CLTC: variants seen among roughly 807,000 people sequenced by gnomAD.
CLTC encodes clathrin heavy chain.
CLTC carries 16 observed loss-of-function variants against 195.8 expected under a neutral mutation model. The observed-to-expected ratio is 0.08, with a 90% CI of 0.06 to 0.12. The LOEUF is 0.12. Ranked by LOEUF, CLTC falls within the 10% of genes least tolerant of loss-of-function variation. The pLI, the probability that CLTC is intolerant of heterozygous loss-of-function variation, is 1.00. For synonymous variants in CLTC, 667 were observed against 689.4 expected, an observed-to-expected ratio of 0.97 and a Z score of 0.51; for missense variants, 796 against 2,027.0, an observed-to-expected ratio of 0.39 and a Z score of 11.66.
At chr17:59,673,026 T>C (rs185415773) in intron 14 of CLTC, among the ~76,000 whole-genome samples, 4 of 152,114 alleles carry the variant, frequency 2.6e-5, no homozygotes, top group Admixed American at 6.6e-5. Context: ...ATAAGTAGGA[T>C]TGTAGTTTGG....
intron 5 of CLTC, among the ~76,000 whole-genome samples, chr17:59,652,312 G>A (rs1192958728): frequency 6.6e-6 from 1 of 152,132 alleles, no homozygotes; most frequent in Non-Finnish European, 1.5e-5. Flanking sequence ...CATCTAGAAT[G>A]ATGAATCCTT....
At chr17:59,691,379 C>CT (rs372057936) in intron 31 of CLTC, among the ~76,000 whole-genome samples, 17 of 152,150 alleles carry the variant, frequency 1.1e-4, no homozygotes, top group African/African-American at 4.1e-4. Flanking sequence ...AATCCCAGCA[C>CT]TTTGGAAGGC....
rs1191846250 is a variant in CLTC, at chr17:59,683,512, G to A, written c.4167G>A (p.Gly1389=). The change falls in exon 26 of 32, where the codon GGG becomes GGA. Residue 1389 remains glycine (G), a synonymous_variant. Coordinates refer to ENST00000269122, the MANE Select transcript of CLTC (RefSeq NM_004859.4). The surrounding 1 kb of genome is among the most constrained non-coding windows in gnomAD (Gnocchi z 6.1). ...MNHPTDAWKE[G]QFKDIITKVA... ...ATCCAACTGATGCCTGGAAAGAAGG[G>A]CAATTCAAAGATATCATTACCAAGG... 1.2e-6 allele frequency: 2 copies of A among 1,613,858 alleles called. No individual in the cohort carries two copies. Among genetic ancestry groups the A allele is most frequent in the South Asian group, 2.2e-5 (2 of 91,056 alleles).
Position 59,648,197 on chromosome 17 carries a change from G to T in CLTC, c.520-43G>T. 1.9e-6 allele frequency: 3 copies of T among 1,544,496 alleles called. No homozygotes were observed. The highest frequency in any genetic ancestry group is 2.4e-5 in the South Asian group (2 of 82,456). On this transcript the variant is annotated intron_variant, in intron 3 of 31. Coordinates refer to ENST00000269122, the MANE Select transcript of CLTC (RefSeq NM_004859.4). The surrounding 1 kb of genome is among the most constrained non-coding windows in gnomAD (Gnocchi z 4.5). ...TTACTTGATGAATCTGAGAGTTTTT[G>T]ATTTATGGGTCTTCAAACGTTATTC...
chr17:59,625,142 ACT>A (rs1169936606), intron 1 of CLTC, among the ~76,000 whole-genome samples: 7 of 150,794 alleles, frequency 4.6e-5, no homozygotes, highest in Admixed American at 1.3e-4. Flanking sequence ...ACAAAGTCTC[ACT>A]CTGTCGCCAG....
chr17:59,639,504 C>T (rs2031967817), intron 1 of CLTC, among the ~76,000 whole-genome samples: 1 of 152,118 alleles, frequency 6.6e-6, no homozygotes, highest in Non-Finnish European at 1.5e-5. Flanking sequence ...CCAGCTTCAA[C>T]ACTAATGGCA....
rs758477843 is a variant in CLTC, at chr17:59,682,583, C to G, written c.3601-46C>G. On this transcript the variant is annotated intron_variant, in intron 22 of 31. Transcript: ENST00000269122. This position sits in a 1 kb window ranked among gnomAD's most constrained non-coding sequence, Gnocchi z 6.8. ...ATATCAATTTGAAAAGAGGATTAAG[C>G]TCACACTAATATCTTGCTGAATGTG... 4.4e-6 allele frequency: 7 copies of G among 1,602,096 alleles called. No individual in the cohort carries two copies. The highest frequency in any genetic ancestry group is 5.1e-6 in the Non-Finnish European group (6 of 1,172,028).
intron 2 of CLTC, chr17:59,645,919 T>G: frequency 4.1e-6 from 1 of 245,358 alleles, no homozygotes; most frequent in Admixed American, 6.5e-5. Context: ...CATGCCTCTC[T>G]ATTAAAAGGC....
At chr17:59,686,998 C>T in intron 30 of CLTC, 7 of 988,606 alleles carry the variant, frequency 7.1e-6, no homozygotes, top group Non-Finnish European at 8.4e-6. Context: ...AATTCCTTTG[C>T]AGGTTGATGC....
chr17:59,657,596 G>A (rs536673273), intron 6 of CLTC, among the ~76,000 whole-genome samples: 7 of 151,840 alleles, frequency 4.6e-5, no homozygotes, highest in Admixed American at 2.6e-4. Context: ...GTGAAACCCT[G>A]TCTCTACTAA....
intron 6 of CLTC, among the ~76,000 whole-genome samples, chr17:59,657,171 A>G (rs1262681302): frequency 6.6e-6 from 1 of 152,186 alleles, no homozygotes; most frequent in African/African-American, 2.4e-5. Context: ...AATGTTATGT[A>G]TATGAAGAGA....
chr17:59,646,194 A>C (rs146883741), intron 2 of CLTC, among the ~76,000 whole-genome samples: 2 of 152,218 alleles, frequency 1.3e-5, no homozygotes, highest in African/African-American at 4.8e-5. Flanking sequence ...CCACTTATGT[A>C]TATATTCCAA....
chr17:59,648,290 G>A lies in CLTC; in HGVS notation c.570G>A (p.Val190=), dbSNP rs1419079380. 1 of 1,614,122 alleles carries A rather than the reference G, an allele frequency of 6.2e-7. No individual in the cohort carries two copies. The highest frequency in any genetic ancestry group is 8.5e-7 in the Non-Finnish European group (1 of 1,179,996). ...AMQLYSVDRK[V]SQPIEGHAAS... is the part of the protein sequence containing the mutation. The stretch of plus-strand genomic sequence containing the variant: ...AGCTATATTCTGTAGATAGGAAAGT[G>A]TCTCAGCCCATTGAAGGACATGCAG... The change falls in exon 4 of 32, where the codon GTG becomes GTA. Residue 190 remains valine (V), a synonymous_variant. Transcript: ENST00000269122. This position sits in a 1 kb window ranked among gnomAD's most constrained non-coding sequence, Gnocchi z 4.5.
In CLTC at chr17:59,693,741, G is replaced by A. The variant is rs1405470409; in HGVS notation, c.4917G>A (p.Leu1639=). 8 of 1,613,138 alleles carry A rather than the reference G, an allele frequency of 5.0e-6. No homozygotes were observed. In the South Asian group the frequency reaches 8.8e-5, roughly 18 times the overall value. Residue 1639 remains leucine, a synonymous_variant, in exon 32 of 32, where the codon TTG becomes TTA. Coordinates refer to ENST00000269122, the MANE Select transcript of CLTC (RefSeq NM_004859.4). The part of the protein sequence containing the change: ...TQPIVYGQPQ[L]MLTAGPSVAV... ...CTTCTACTGTAGGTCAGCCCCAGTT[G>A]ATGCTGACAGCAGGACCCAGTGTTG... is the stretch of plus-strand genomic sequence containing the variant.
rs2033442600 is a variant in CLTC at position 59,696,930 on chromosome 17, C to T, written c.*3078C>T. The T allele has an allele frequency of 5.1e-6, 1 of 197,478 alleles. No individual in the cohort carries two copies. The highest frequency in any genetic ancestry group is 5.8e-5 in the Admixed American group (1 of 17,346). 12.2% of individuals were successfully genotyped at this position (197,478 alleles called of 1,614,324 possible). A position where few individuals can be genotyped will look rare whatever the true frequency, so the allele number is the denominator to read the frequency against. ...GGGAAGGTGAACATGAAACACTGCA[C>T]AGTAGGTTGTATCAATGCTATAAAA... On this transcript the variant is annotated 3_prime_UTR_variant, in exon 32 of 32. Transcript: ENST00000269122.
intron 1 of CLTC, among the ~76,000 whole-genome samples, chr17:59,641,280 G>A (rs539774465): frequency 1.3e-5 from 2 of 152,084 alleles, no homozygotes; most frequent in Admixed American, 1.3e-4. Flanking sequence ...AGAGGCTGAG[G>A]GAGAGAGGAA....
intron 15 of CLTC, among the ~76,000 whole-genome samples, chr17:59,674,241 T>C (rs938367234): frequency 6.6e-6 from 1 of 152,186 alleles, no homozygotes; most frequent in Non-Finnish European, 1.5e-5. Context: ...ACTAACTTGA[T>C]AGACCCTGAG....
intron 1 of CLTC, among the ~76,000 whole-genome samples, chr17:59,628,926 T>G (rs946089403): frequency 6.6e-6 from 1 of 152,110 alleles, no homozygotes; most frequent in South Asian, 2.1e-4. Context: ...CTTCCCAAAG[T>G]GCTGGGATTA....
chr17:59,640,416 T>G (rs1383086274), intron 1 of CLTC, among the ~76,000 whole-genome samples: 2 of 151,804 alleles, frequency 1.3e-5, no homozygotes, highest in East Asian at 1.9e-4. Flanking sequence ...TTTTTTTTTT[T>G]GCCAAAGTCT....
Sources: allele counts gnomAD v4.1 joint callset (sites outside exome capture counted in the v4.1 genomes callset), GRCh38; gene constraint gnomAD v4.1.1; non-coding constraint Gnocchi (gnomAD v3.1); transcripts MANE v1.5; gene names NCBI Gene and HGNC (gene_info 2026-07-23, HGNC 2026-07-21).